Variants in C8orf34 observed in about 807,000 individuals in gnomAD.
The protein encoded by C8orf34 is chromosome 8 open reading frame 34.
C8orf34 carries 65 observed loss-of-function variants against 68.3 expected under a neutral mutation model. The ratio of observed to expected loss-of-function variants is 0.95; its 90% confidence interval spans 0.78 to 1.17. C8orf34 has a LOEUF of 1.17. Among genes scored for constraint, C8orf34 ranks in the 50% most tolerant of loss-of-function variants. The pLI is 0.00. For synonymous variants in C8orf34, 244 were observed against 241.2 expected, an observed-to-expected ratio of 1.01 and a Z score of -0.11; for missense variants, 664 against 655.4, an observed-to-expected ratio of 1.01 and a Z score of -0.14.
chr8:68,662,067 C>T (rs189461551), intron 8 of C8orf34, among the ~76,000 whole-genome samples: 34 of 152,098 alleles, frequency 2.2e-4, no homozygotes, highest in African/African-American at 7.5e-4. Flanking sequence ...AAGAGCCAGA[C>T]GATTGAAGTT....
chr8:68,661,233 C>T (rs1206262469), intron 8 of C8orf34, among the ~76,000 whole-genome samples: 1 of 152,232 alleles, frequency 6.6e-6, no homozygotes, highest in Admixed American at 6.5e-5. Context: ...GTCTCTGCAG[C>T]TGTACCATTC....
chr8:68,435,939 G>A (rs1010194620), intron 1 of C8orf34, among the ~76,000 whole-genome samples: 4 of 152,198 alleles, frequency 2.6e-5, no homozygotes, highest in African/African-American at 9.6e-5. Flanking sequence ...TGGGCATGGT[G>A]GCTCACGCCT....
intron 5 of C8orf34, among the ~76,000 whole-genome samples, chr8:68,494,549 T>A (rs1321644197): frequency 6.6e-6 from 1 of 152,154 alleles, no homozygotes; most frequent in Non-Finnish European, 1.5e-5. Flanking sequence ...ATGATTTTTC[T>A]GTAACTAAAA....
rs539874274 is a variant in C8orf34 at position 68,530,688 on chromosome 8, TTA to T, written c.939-2293_939-2292del. ...CTTCCTTCCATTTTCAAGTGAATAT[TTA>T]TGTTTTATTTCCACTATTAAAGAGT... On this transcript the variant is annotated intron_variant, in intron 6 of 13. Transcript: ENST00000518698. The T allele has an allele frequency of 8.5e-4, 808 of 948,444 alleles. 3 individuals are homozygous for T. The African/African-American group carries it at 0.013, about 15-fold the overall frequency. 58.8% of individuals were successfully genotyped at this position (948,444 alleles called of 1,614,324 possible).
At chr8:68,499,929 G>A (rs142253264) in intron 5 of C8orf34, among the ~76,000 whole-genome samples, 19 of 152,270 alleles carry the variant, frequency 1.2e-4, no homozygotes, top group Admixed American at 4.6e-4. Context: ...GTTTAGCACC[G>A]TTCCCTTGAT....
At chr8:68,781,468 G>A (rs1014645992) in intron 11 of C8orf34, among the ~76,000 whole-genome samples, 2 of 152,158 alleles carry the variant, frequency 1.3e-5, no homozygotes, top group African/African-American at 2.4e-5. Flanking sequence ...ACACAAAGAA[G>A]TTGCTCTTGG....
intron 7 of C8orf34, chr8:68,534,920 T>C (rs1268345590): frequency 1.0e-6 from 1 of 984,936 alleles, no homozygotes; most frequent in African/African-American, 1.8e-5. Flanking sequence ...TCATTAATTC[T>C]TTTTTTAGAC....
intron 9 of C8orf34, among the ~76,000 whole-genome samples, chr8:68,718,158 G>A (rs1821531104): frequency 6.6e-6 from 1 of 151,918 alleles, no homozygotes; most frequent in Non-Finnish European, 1.5e-5. Context: ...AATTGTTTTT[G>A]AATTGCTTCT....
chr8:68,815,376 A>G (rs1034122383), intron 12 of C8orf34, among the ~76,000 whole-genome samples: 6 of 152,184 alleles, frequency 3.9e-5, no homozygotes, highest in African/African-American at 1.4e-4. Flanking sequence ...ACACATATAC[A>G]CATACACAGA....
intron 8 of C8orf34, among the ~76,000 whole-genome samples, chr8:68,674,404 A>G (rs1408045087): frequency 6.6e-6 from 1 of 152,170 alleles, no homozygotes; most frequent in Non-Finnish European, 1.5e-5. Flanking sequence ...GAAATTCAAG[A>G]TAACACAGAG....
intron 7 of C8orf34, among the ~76,000 whole-genome samples, chr8:68,547,217 T>C (rs533697764): frequency 2.5e-4 from 38 of 151,780 alleles, no homozygotes; most frequent in African/African-American, 9.2e-4. Context: ...CTACAGATCT[T>C]ACAGACACAA....
At chr8:68,465,866 G>A (rs1812101591) in intron 3 of C8orf34, among the ~76,000 whole-genome samples, 1 of 151,768 alleles carries the variant, frequency 6.6e-6, no homozygotes, top group South Asian at 2.1e-4. Flanking sequence ...ACGAGTTAAT[G>A]GGTGCAGCAC....
rs1363549541 is a variant in C8orf34, at chr8:68,331,214, G to T, written c.202G>T (p.Gly68Ter). The T allele has an allele frequency of 1.3e-6, 2 of 1,535,676 alleles. No homozygotes were observed. The highest frequency in any genetic ancestry group is 2.4e-5 in the South Asian group (2 of 84,046). ...SPGKRRVVPSGGAQPRVLPAL... is the reference protein window; with the variant it reads ...SPGKRRVVPS Reference sequence around the variant, plus strand: ...GGGTAAAAGGAGGGTTGTCCCCAGCGGAGGCGCACAGCCGCGCGTTCTCCC... The same window carrying T: ...GGGTAAAAGGAGGGTTGTCCCCAGCTGAGGCGCACAGCCGCGCGTTCTCCC... The change falls in exon 1 of 14, where the codon GGA becomes TGA. Residue 68 changes from glycine (G) to a stop codon, truncating the protein, a stop_gained. Transcript: ENST00000518698. LOFTEE classifies it high-confidence loss of function.
chr8:68,479,565 G>A (rs1045354442), intron 4 of C8orf34, among the ~76,000 whole-genome samples: 8 of 152,306 alleles, frequency 5.3e-5, no homozygotes, highest in African/African-American at 1.9e-4. Flanking sequence ...GTAAATACCA[G>A]AGATGGAGGT....
In C8orf34 at chr8:68,419,497, T is replaced by C. The variant is rs920905387; in HGVS notation, c.328-20002T>C. On this transcript the variant is annotated intron_variant, in intron 1 of 13. Transcript: ENST00000518698. ...TACTGGGTATATACCCAAAGGACTA[T>C]AAATCATGCTGCTATAAAGACACTT... Among the ~76,000 whole-genome samples the C allele has an allele frequency of 7.8e-3, 1,184 of 151,938 alleles. 14 individuals are homozygous for C. Among genetic ancestry groups the C allele is most frequent in the African/African-American group, 0.027 (1,130 of 41,274 alleles).
At chr8:68,743,444 T>C (rs566274495) in intron 10 of C8orf34, among the ~76,000 whole-genome samples, 3 of 152,254 alleles carry the variant, frequency 2.0e-5, no homozygotes, top group African/African-American at 7.2e-5. Flanking sequence ...TGCATTTCCA[T>C]CTGAGGTACC....
At chr8:68,369,310 T>A (rs551993358) in intron 1 of C8orf34, among the ~76,000 whole-genome samples, 1 of 152,320 alleles carries the variant, frequency 6.6e-6, no homozygotes, top group East Asian at 1.9e-4. Context: ...CAAATATGCT[T>A]ACAGGTTTGC....
At chr8:68,617,115 G>A (rs1328485531) in intron 7 of C8orf34, among the ~76,000 whole-genome samples, 1 of 152,088 alleles carries the variant, frequency 6.6e-6, no homozygotes, top group Non-Finnish European at 1.5e-5. Context: ...TGCAACTCCT[G>A]CCTTTTTTTG....
chr8:68,356,859 C>A (rs148127044), intron 1 of C8orf34, among the ~76,000 whole-genome samples: 1 of 152,068 alleles, frequency 6.6e-6, no homozygotes, highest in Admixed American at 6.6e-5. Context: ...TATAGCCCAG[C>A]GAATATAGGA....
Sources: gnomAD v4.1 joint callset for allele counts (sites outside exome capture counted in the v4.1 genomes callset) on GRCh38, gnomAD v4.1.1 for gene constraint, MANE v1.5 for transcripts, NCBI Gene and HGNC (gene_info 2026-07-23, HGNC 2026-07-21) for gene names.